Variants in ATOSA observed in about 807,000 individuals in gnomAD.
The protein encoded by ATOSA is atos homolog A.
At chr15:52,666,809 A>G in the ATOSA span, among the ~76,000 whole-genome samples, 1 of 152,122 alleles carries the variant, frequency 6.6e-6, no homozygotes, top group Non-Finnish European at 1.5e-5. Context: ...TGTTGGGGAG[A>G]GGGGAAAAGA....
At chr15:52,611,459 A>C in the ATOSA span, 3 of 1,202,468 alleles carry the variant, frequency 2.5e-6, no homozygotes, top group Non-Finnish European at 2.3e-6. Context: ...TATAAATACT[A>C]TCTCAATTTT....
the ATOSA span, among the ~76,000 whole-genome samples, chr15:52,691,327 T>G: frequency 1.2e-4 from 18 of 152,374 alleles, no homozygotes; most frequent in African/African-American, 4.3e-4. Flanking sequence ...GTGGAAATTC[T>G]CTTCTTGTCT....
the ATOSA span, among the ~76,000 whole-genome samples, chr15:52,623,700 G>A: frequency 1.3e-5 from 2 of 152,152 alleles, no homozygotes; most frequent in Non-Finnish European, 2.9e-5. Flanking sequence ...GAAGTCATTG[G>A]TGACCTTGAA....
the ATOSA span, chr15:52,679,499 CG>C: frequency 1.3e-5 from 2 of 152,360 alleles, no homozygotes. Context: ...CCGCTCGCCC[CG>C]GGGCGCTAGT....
At chr15:52,665,397 A>T in the ATOSA span, among the ~76,000 whole-genome samples, 2 of 152,246 alleles carry the variant, frequency 1.3e-5, no homozygotes, top group Admixed American at 6.5e-5. Context: ...GATAGTAATT[A>T]GTCATTTTCT....
the ATOSA span, among the ~76,000 whole-genome samples, chr15:52,684,327 G>A: frequency 6.6e-6 from 1 of 152,144 alleles, no homozygotes; most frequent in African/African-American, 2.4e-5. Flanking sequence ...TTGAGGTCAG[G>A]AATTCGAGAC....
the ATOSA span, chr15:52,600,964 T>TCATA: frequency 2.9e-6 from 2 of 686,842 alleles, no homozygotes; most frequent in Admixed American, 6.0e-5. Flanking sequence ...GTACATGGTA[T>TCATA]CATACTCTAA....
the ATOSA span, among the ~76,000 whole-genome samples, chr15:52,616,609 C>T: frequency 6.6e-6 from 1 of 152,028 alleles, no homozygotes; most frequent in African/African-American, 2.4e-5. Flanking sequence ...GTTCCCCAAC[C>T]CCAACAAAGC....
chr15:52,680,738 G>C, the ATOSA span, among the ~76,000 whole-genome samples: 1 of 152,226 alleles, frequency 6.6e-6, no homozygotes, highest in Non-Finnish European at 1.5e-5. Flanking sequence ...CTGGCATCAT[G>C]ACGATGAAAC....
the ATOSA span, among the ~76,000 whole-genome samples, chr15:52,638,382 C>T: frequency 6.6e-6 from 1 of 152,142 alleles, no homozygotes; most frequent in Non-Finnish European, 1.5e-5. Flanking sequence ...CTAACGTAAA[C>T]TACGGACTAT....
At chr15:52,686,046 T>C in the ATOSA span, among the ~76,000 whole-genome samples, 1 of 152,194 alleles carries the variant, frequency 6.6e-6, no homozygotes, top group South Asian at 2.1e-4. Context: ...AGAGTTTTCA[T>C]ATAAATTAAT....
At chr15:52,707,941 T>C in the ATOSA span, among the ~76,000 whole-genome samples, 1 of 152,164 alleles carries the variant, frequency 6.6e-6, no homozygotes, top group Non-Finnish European at 1.5e-5. Context: ...TTGCTTTGGA[T>C]AGCCAGGAAA....
the ATOSA span, among the ~76,000 whole-genome samples, chr15:52,697,447 C>T: frequency 6.6e-6 from 1 of 152,138 alleles, no homozygotes; most frequent in Non-Finnish European, 1.5e-5. Flanking sequence ...TCTTGGAATC[C>T]TTAGAAGATG....
the ATOSA span, among the ~76,000 whole-genome samples, chr15:52,694,920 G>GTT: frequency 2.3e-5 from 3 of 130,440 alleles, no homozygotes; most frequent in African/African-American, 5.8e-5. Context: ...TTTTTTTTCT[G>GTT]TTTTTTTTTG....
the ATOSA span, among the ~76,000 whole-genome samples, chr15:52,682,630 G>C: frequency 6.6e-6 from 1 of 152,152 alleles, no homozygotes. Flanking sequence ...AAGTGGTTGA[G>C]AGTCAAATGA....
the ATOSA span, among the ~76,000 whole-genome samples, chr15:52,661,510 C>T: frequency 6.6e-6 from 1 of 152,224 alleles, no homozygotes; most frequent in South Asian, 2.1e-4. Context: ...AAGAAACTCA[C>T]ACACTCTAAA....
the ATOSA span, among the ~76,000 whole-genome samples, chr15:52,662,080 T>C: frequency 6.6e-6 from 1 of 152,102 alleles, no homozygotes; most frequent in Non-Finnish European, 1.5e-5. Context: ...TTCACACAGA[T>C]AGTGGCAAAC....
chr15:52,637,003 G>T, the ATOSA span, among the ~76,000 whole-genome samples: 23 of 152,134 alleles, frequency 1.5e-4, no homozygotes, highest in Admixed American at 1.4e-3. Context: ...TGGAGAAATG[G>T]TACCTTGAAT....
chr15:52,610,990 G>GT, the ATOSA span: 1 of 993,226 alleles, frequency 1.0e-6, no homozygotes, highest in African/African-American at 1.6e-5. Flanking sequence ...TCTCTAACTT[G>GT]TTTTGAAAAA....
Sources: gnomAD v4.1 joint callset for allele counts (sites outside exome capture counted in the v4.1 genomes callset) on GRCh38, gnomAD v4.1.1 for gene constraint, MANE v1.5 for transcripts, NCBI Gene and HGNC (gene_info 2026-07-23, HGNC 2026-07-21) for gene names.